SLC7A7: variants seen among roughly 807,000 people sequenced by gnomAD.
The protein encoded by SLC7A7 is solute carrier family 7 member 7.
In SLC7A7, 39 loss-of-function variants were observed where a neutral mutation model predicts 47.9. The observed-to-expected ratio is 0.81, with a 90% CI of 0.63 to 1.06. SLC7A7 has a LOEUF of 1.06. SLC7A7 is among the 50% of genes least tolerant of loss of function. The pLI, the probability that SLC7A7 is intolerant of heterozygous loss-of-function variation, is 0.00. For synonymous variants in SLC7A7, 234 were observed against 242.8 expected (o/e 0.96, Z 0.34); for missense variants, 588 against 632.0 (o/e 0.93, Z 0.75).
intron 2 of SLC7A7, among the ~76,000 whole-genome samples, chr14:22,797,682 T>C (rs1233747072): frequency 6.6e-6 from 1 of 152,082 alleles, no homozygotes; most frequent in Non-Finnish European, 1.5e-5. Context: ...GGAAGCAATA[T>C]TCCTGACAGA....
At chr14:22,815,700 A>G (rs1292445412), upstream of SLC7A7, 2 of 453,758 alleles carry the variant, frequency 4.4e-6, no homozygotes, top group Non-Finnish European at 8.8e-6. Context: ...AGCTGAGTGC[A>G]GTATCTGTAG....
In SLC7A7 at chr14:22,776,733, C is replaced by T. The variant is rs796297444; in HGVS notation, c.771-415G>A. On this transcript the variant is annotated intron_variant, in intron 4 of 9. Coordinates refer to ENST00000674313, the MANE Select transcript of SLC7A7 (RefSeq NM_003982.4). ...CTGTAATCCCAGCACTTTGGGAGGC[C>T]GAGCCGGGTGGATCACCTGAGGTCA... 7.2e-5 allele frequency among the ~76,000 whole-genome samples: 11 copies of T among 151,760 alleles called. 1 individual carries two copies. The highest frequency in any genetic ancestry group is 1.5e-4 in the African/African-American group (6 of 41,366).
upstream of SLC7A7, chr14:22,815,957 C>G (rs1173939021): frequency 3.3e-6 from 1 of 306,922 alleles, no homozygotes; most frequent in Non-Finnish European, 6.5e-6. Context: ...GAGAACTCTG[C>G]ACACTTCCCC....
At chr14:22,785,049 C>T (rs530293223) in intron 2 of SLC7A7, among the ~76,000 whole-genome samples, 2 of 152,226 alleles carry the variant, frequency 1.3e-5, no homozygotes, top group African/African-American at 2.4e-5. Context: ...GAGACTGAGG[C>T]GGGCAGATCA....
chr14:22,788,487 A>G (rs1054307039), intron 2 of SLC7A7, among the ~76,000 whole-genome samples: 14 of 152,064 alleles, frequency 9.2e-5, no homozygotes, highest in East Asian at 5.8e-4. Context: ...GGCAGATCAC[A>G]AAGTCAGGAG....
rs557165839 is a variant in SLC7A7 at position 22,788,328 on chromosome 14, T to C, written c.500-8277A>G. On this transcript the variant is annotated intron_variant, in intron 2 of 9. Coordinates refer to ENST00000674313, the MANE Select transcript of SLC7A7 (RefSeq NM_003982.4). ...TCAAACAATTCAAATCAAATTAGTA[T>C]ATATTTATGTAGAATATTCATAGTT... Among the ~76,000 whole-genome samples the C allele has an allele frequency of 2.0e-5, 3 of 152,306 alleles. No homozygotes were observed. The South Asian group carries it at 6.2e-4, about 32-fold the overall frequency.
chr14:22,799,448 CTT>C (rs56375225), intron 2 of SLC7A7, among the ~76,000 whole-genome samples: 11,864 of 75,554 alleles, frequency 0.16, 181 homozygotes, highest in East Asian at 0.32. Context: ...TTTTTTCTTT[CTT>C]TTTTTTTTTT....
intron 2 of SLC7A7, among the ~76,000 whole-genome samples, chr14:22,799,832 G>A (rs1352562496): frequency 1.3e-5 from 2 of 152,076 alleles, no homozygotes; most frequent in Admixed American, 6.6e-5. Context: ...CATGATTCTA[G>A]ATATATATGA....
chr14:22,801,290 C>T (rs78244669), intron 2 of SLC7A7, among the ~76,000 whole-genome samples: 2,355 of 152,226 alleles, frequency 0.015, 49 homozygotes, highest in African/African-American at 0.054. Context: ...GAAAGGAGCA[C>T]TTCTGGCATT....
Position 22,813,458 on chromosome 14 carries a change from G to A in SLC7A7, c.-42-18C>T, listed in dbSNP as rs1209537993. On this transcript the variant is annotated intron_variant, in intron 1 of 9. Transcript: ENST00000674313. The stretch of plus-strand genomic sequence containing the variant: ...GCATTGCCCTTTAAGGAAGAAAGAT[G>A]ATGCTATAGATTAGGTGGTTGGCAA... The A allele has an allele frequency of 1.3e-6, 2 of 1,595,064 alleles. No homozygotes were observed. Among genetic ancestry groups the A allele is most frequent in the Admixed American group, 3.3e-5 (2 of 59,860 alleles).
chr14:22,799,343 A>G (rs200371823), intron 2 of SLC7A7, among the ~76,000 whole-genome samples: 1 of 114,222 alleles, frequency 8.8e-6, no homozygotes, highest in Non-Finnish European at 2.0e-5. Context: ...AAATGTGGGT[A>G]TTCCTCAGAA....
rs1197292282 is a variant in SLC7A7, at chr14:22,779,547, T to C, written c.625+379A>G. ...TCAGCTCACTGCAACCACCGCCTCC[T>C]GGATTCAAGCGATTCTCCTGCCTCA... On this transcript the variant is annotated intron_variant, in intron 3 of 9. Coordinates refer to ENST00000674313, the MANE Select transcript of SLC7A7 (RefSeq NM_003982.4). Among the ~76,000 whole-genome samples, 12 of 151,828 alleles carry C rather than the reference T, an allele frequency of 7.9e-5. No individual in the cohort carries two copies. The East Asian group carries it at 2.3e-3, about 29-fold the overall frequency.
chr14:22,815,988 G>T (rs1305960010), upstream of SLC7A7: 3 of 258,600 alleles, frequency 1.2e-5, no homozygotes, highest in East Asian at 2.7e-4. Context: ...AGACTGGGGG[G>T]TTGCCTCCAA....
Position 22,795,385 on chromosome 14 carries a change from GCTTTCTTT to G in SLC7A7, c.500-15342_500-15335del, listed in dbSNP as rs1160830498. On this transcript the variant is annotated intron_variant, in intron 2 of 9. Coordinates refer to ENST00000674313, the MANE Select transcript of SLC7A7 (RefSeq NM_003982.4). ...TGCCCAATCTGAGTATTGCTTGCTT[GCTTTCTTT>G]CTTTCTTTCTTTCTTTCTTTCTTTC... 1.8e-3 allele frequency among the ~76,000 whole-genome samples: 26 copies of G among 14,496 alleles called. 1 individual carries two copies. The highest frequency in any genetic ancestry group is 5.2e-3 in the African/African-American group (25 of 4,794). The allele number at this position is 14,496 out of a possible 152,430, so 9.5% of individuals were successfully genotyped here. A position where few individuals can be genotyped will look rare whatever the true frequency, so the allele number is the denominator to read the frequency against.
intron 7 of SLC7A7, among the ~76,000 whole-genome samples, chr14:22,775,169 G>GT (rs1169608928): frequency 5.3e-5 from 8 of 151,936 alleles, no homozygotes; most frequent in Admixed American, 3.9e-4. Context: ...CTTAAACACC[G>GT]TATCACTCAC....
At chr14:22,812,000 T>C (rs578249503) in intron 2 of SLC7A7, among the ~76,000 whole-genome samples, 24 of 152,142 alleles carry the variant, frequency 1.6e-4, no homozygotes, top group Non-Finnish European at 3.4e-4. Flanking sequence ...TAAACTACTA[T>C]GCATCCTTAA....
At chr14:22,777,653 G>T (rs1234270962) in intron 4 of SLC7A7, among the ~76,000 whole-genome samples, 1 of 152,218 alleles carries the variant, frequency 6.6e-6, no homozygotes, top group African/African-American at 2.4e-5. Flanking sequence ...TACCACCCAG[G>T]CCTTGATCCT....
chr14:22,797,705 T>C (rs903636916), intron 2 of SLC7A7, among the ~76,000 whole-genome samples: 1 of 152,106 alleles, frequency 6.6e-6, no homozygotes, highest in Admixed American at 6.6e-5. Context: ...GGGCAAAACG[T>C]TATTACCCTG....
intron 2 of SLC7A7, among the ~76,000 whole-genome samples, chr14:22,805,845 C>T (rs2039192550): frequency 6.6e-6 from 1 of 152,096 alleles, no homozygotes; most frequent in East Asian, 1.9e-4. Flanking sequence ...CATCAATAAA[C>T]TGTACATACA....
Sources: gnomAD v4.1 joint callset for allele counts (sites outside exome capture counted in the v4.1 genomes callset) on GRCh38, gnomAD v4.1.1 for gene constraint, MANE v1.5 for transcripts, NCBI Gene and HGNC (gene_info 2026-07-23, HGNC 2026-07-21) for gene names.